Variants in FBXW7 observed in about 807,000 individuals in gnomAD.
FBXW7 encodes F-box/WD repeat-containing protein 7.
In FBXW7, 11 loss-of-function variants were observed where a neutral mutation model predicts 86.3. The ratio of observed to expected loss-of-function variants is 0.13; its 90% CI spans 0.08 to 0.21. The LOEUF (loss-of-function observed/expected upper bound fraction) is 0.21. Among genes scored for constraint, FBXW7 ranks in the 10% least tolerant of loss-of-function variants. The pLI, the probability that FBXW7 is intolerant of heterozygous loss-of-function variation, is 1.00. For synonymous variants in FBXW7, 313 were observed against 297.9 expected (o/e 1.05, Z -0.52); for missense variants, 488 against 847.4 (o/e 0.58, Z 5.27).
intron 2 of FBXW7, among the ~76,000 whole-genome samples, chr4:152,493,012 G>A (rs1276167827): frequency 6.6e-6 from 1 of 151,634 alleles, no homozygotes; most frequent in East Asian, 1.9e-4. Flanking sequence ...AATAACAGAA[G>A]TAAGAGAAGC....
rs1728555565 is a variant in FBXW7 at position 152,321,494 on chromosome 4, T to A, written c.*1387A>T. The A allele has an allele frequency of 4.3e-6, 1 of 232,992 alleles. No individual in the cohort carries two copies. The highest frequency in any genetic ancestry group is 2.2e-5 in the African/African-American group (1 of 45,308). The allele number at this position is 232,992 out of a possible 1,614,324, so 14.4% of individuals were successfully genotyped here. A position where few individuals can be genotyped will look rare whatever the true frequency, so the allele number is the denominator to read the frequency against. On this transcript the variant is annotated 3_prime_UTR_variant, in exon 14 of 14. Transcript: ENST00000281708. Reference sequence around the variant, plus strand: ...CGCCTAGGATACAGTGTTAAACCACTTTCACAGTTCAGCTTGAGTTGTGGC... The same window carrying A: ...CGCCTAGGATACAGTGTTAAACCACATTCACAGTTCAGCTTGAGTTGTGGC...
intron 2 of FBXW7, among the ~76,000 whole-genome samples, chr4:152,438,152 C>T (rs1011486536): frequency 1.3e-5 from 2 of 152,006 alleles, no homozygotes; most frequent in South Asian, 4.1e-4. Flanking sequence ...CCAGCCTGGG[C>T]AACAGAGCAA....
intron 4 of FBXW7, among the ~76,000 whole-genome samples, chr4:152,366,717 A>T (rs1043830715): frequency 1.3e-5 from 2 of 152,170 alleles, no homozygotes; most frequent in African/African-American, 2.4e-5. Context: ...ATTGTGGAAG[A>T]CAGTGTGGCG....
chr4:152,446,964 T>C (rs774737365), intron 2 of FBXW7, among the ~76,000 whole-genome samples: 2 of 152,192 alleles, frequency 1.3e-5, no homozygotes, highest in Non-Finnish European at 2.9e-5. Context: ...GTCTATAAAC[T>C]TTTTACCTGT....
intron 4 of FBXW7, among the ~76,000 whole-genome samples, chr4:152,353,723 A>G (rs971470086): frequency 6.6e-6 from 1 of 152,218 alleles, no homozygotes; most frequent in Non-Finnish European, 1.5e-5. Context: ...TAAAGATGCC[A>G]AAGTTTGCCA....
chr4:152,518,082 G>T (rs544219232), intron 2 of FBXW7, among the ~76,000 whole-genome samples: 1 of 151,968 alleles, frequency 6.6e-6, no homozygotes, highest in Non-Finnish European at 1.5e-5. Context: ...TCCACCACCC[G>T]GGTTCAAGCA....
intron 4 of FBXW7, among the ~76,000 whole-genome samples, chr4:152,378,445 G>GT (rs1430821545): frequency 6.6e-6 from 1 of 152,040 alleles, no homozygotes. Flanking sequence ...ATTCTCTCCT[G>GT]TGTTGCTGAT....
intron 2 of FBXW7, among the ~76,000 whole-genome samples, chr4:152,419,642 G>A (rs893172752): frequency 2.2e-4 from 34 of 152,152 alleles, no homozygotes; most frequent in African/African-American, 6.7e-4. Context: ...CACAGAGGAG[G>A]AGGTTAATGA....
intron 2 of FBXW7, among the ~76,000 whole-genome samples, chr4:152,463,282 TTC>T (rs1560929280): frequency 6.6e-6 from 1 of 151,798 alleles, no homozygotes; most frequent in Non-Finnish European, 1.5e-5. Flanking sequence ...CAGTGAGACT[TTC>T]TGTCTCAAAA....
chr4:152,404,348 G>A (rs1034587350), intron 4 of FBXW7, among the ~76,000 whole-genome samples: 4 of 152,252 alleles, frequency 2.6e-5, no homozygotes, highest in African/African-American at 4.8e-5. Flanking sequence ...TAACAAAATG[G>A]AGAAATTATA....
At chr4:152,340,695 T>C (rs1730650721) in intron 6 of FBXW7, among the ~76,000 whole-genome samples, 2 of 152,100 alleles carry the variant, frequency 1.3e-5, no homozygotes, top group South Asian at 2.1e-4. Flanking sequence ...TCACATCTCT[T>C]TGGTGATTCT....
At chr4:152,380,336 A>G (rs1734953392) in intron 4 of FBXW7, among the ~76,000 whole-genome samples, 1 of 152,078 alleles carries the variant, frequency 6.6e-6, no homozygotes, top group South Asian at 2.1e-4. Context: ...CATTTGCAAA[A>G]GGAAAGAAAG....
At chr4:152,489,837 C>G (rs1205386428) in intron 2 of FBXW7, among the ~76,000 whole-genome samples, 3 of 152,062 alleles carry the variant, frequency 2.0e-5, no homozygotes, top group African/African-American at 7.2e-5. Context: ...ACCTTGAAAA[C>G]TCCATGTTCT....
chr4:152,367,130 G>T (rs576708501), intron 4 of FBXW7, among the ~76,000 whole-genome samples: 12 of 152,208 alleles, frequency 7.9e-5, no homozygotes, highest in African/African-American at 2.4e-4. Context: ...CTGTCGTGGG[G>T]TTGAGGGATG....
intron 2 of FBXW7, among the ~76,000 whole-genome samples, chr4:152,434,109 C>T (rs1247906292): frequency 6.6e-6 from 1 of 152,148 alleles, no homozygotes; most frequent in African/African-American, 2.4e-5. Flanking sequence ...GTTGGTTCTG[C>T]AGGACTAGTA....
At chr4:152,523,468 G>A (rs762235712) in intron 2 of FBXW7, among the ~76,000 whole-genome samples, 1 of 152,146 alleles carries the variant, frequency 6.6e-6, no homozygotes, top group Non-Finnish European at 1.5e-5. Context: ...TTAAGAAAAT[G>A]GCATAGAAGA....
intron 2 of FBXW7, among the ~76,000 whole-genome samples, chr4:152,437,093 G>A (rs1314244732): frequency 2.0e-5 from 3 of 152,142 alleles, no homozygotes; most frequent in Admixed American, 6.5e-5. Flanking sequence ...ATGGATCTGG[G>A]CAAAGTAAAT....
chr4:152,479,300 T>A (rs1168738802), intron 2 of FBXW7, among the ~76,000 whole-genome samples: 3 of 151,974 alleles, frequency 2.0e-5, no homozygotes, highest in Non-Finnish European at 4.4e-5. Flanking sequence ...AGACATCTAG[T>A]CAAAAAAAAG....
chr4:152,375,736 A>AAT (rs1280126385), intron 4 of FBXW7, among the ~76,000 whole-genome samples: 2 of 152,128 alleles, frequency 1.3e-5, no homozygotes, highest in Non-Finnish European at 2.9e-5. Flanking sequence ...TGTGCTTTAA[A>AAT]ATATAATGTC....
Sources: gnomAD v4.1 joint callset for allele counts (sites outside exome capture counted in the v4.1 genomes callset) on GRCh38, gnomAD v4.1.1 for gene constraint, MANE v1.5 for transcripts, NCBI Gene and HGNC (gene_info 2026-07-23, HGNC 2026-07-21) for gene names.